SPEG: variants seen among roughly 807,000 people sequenced by gnomAD.
SPEG encodes the protein striated muscle preferentially expressed protein kinase.
SPEG carries 114 observed loss-of-function variants against 300.4 expected under a neutral mutation model. That is an observed-to-expected ratio of 0.38 (90% CI 0.33 to 0.44). The LOEUF (loss-of-function observed/expected upper bound fraction) is 0.44. Among genes scored for constraint, SPEG ranks in the 20% least tolerant of loss-of-function variants. The pLI is 1.00. For missense variants in SPEG, 4,201 were observed against 4,586.2 expected, an observed-to-expected ratio of 0.92 and a Z score of 2.43; for synonymous variants, 1,964 against 2,018.9, an observed-to-expected ratio of 0.97 and a Z score of 0.73.
intron 3 of SPEG, 105 bp from the exon 4 acceptor site, chr2:219,447,869 C>T (rs1689433705): frequency 9.1e-7 from 1 of 1,094,688 alleles, no homozygotes. Flanking sequence ...CCATGTCACC[C>T]CCAAGCCTGC....
chr2:219,444,827 G>C lies in SPEG; in HGVS notation c.481G>C (p.Gly161Arg). 1 of 1,592,778 alleles carries C rather than the reference G, an allele frequency of 6.3e-7. No homozygotes were observed. Among genetic ancestry groups the C allele is most frequent in the Non-Finnish European group, 8.6e-7 (1 of 1,168,334 alleles). ...TCTCACGGTGCTCCTTTCTCTAGGG[G>C]GTTCTGACACCCTGGTGGGCACCTC... is the stretch of plus-strand genomic sequence containing the variant. The part of the protein sequence containing the change: ...DDGAFSTPTG[G>R]SDTLVGTSLD... Residue 161 changes from glycine to arginine, a missense_variant and splice_region_variant, in exon 3 of 41, where the codon GGT becomes CGT. Transcript: ENST00000312358. This position sits in a 1 kb window ranked among gnomAD's most constrained non-coding sequence, Gnocchi z 7.8.
chr2:219,466,273 A>G, intron 9 of SPEG: 1 of 1,427,902 alleles, frequency 7.0e-7, no homozygotes, highest in Non-Finnish European at 9.1e-7. Context: ...CCAAGTGGAC[A>G]CATGGCTGTG....
rs1275432494 is a variant in SPEG at position 219,488,848 on chromosome 2, G to A, written c.8097G>A (p.Lys2699=). The change falls in exon 34 of 41, where the codon AAG becomes AAA. Residue 2699 remains lysine (K), a synonymous_variant. Transcript: ENST00000312358. ...AGGACACGGCGCTGGTGCTGTGGAAGCCGGGAGACAGCCGGGCACCTTGCA... is the reference window on the plus strand; with the variant it reads ...AGGACACGGCGCTGGTGCTGTGGAAACCGGGAGACAGCCGGGCACCTTGCA... The part of the protein sequence containing the change: ...TYQDTALVLW[K]PGDSRAPCTY... The A allele has an allele frequency of 1.3e-6, 2 of 1,589,848 alleles. No homozygotes were observed. Among genetic ancestry groups the A allele is most frequent in the Admixed American group, 3.6e-5 (2 of 55,816 alleles).
chr2:219,441,784 G>A (rs1437304028), intron 1 of SPEG, among the ~76,000 whole-genome samples: 2 of 151,062 alleles, frequency 1.3e-5, no homozygotes, highest in African/African-American at 2.4e-5. Context: ...GGGCCTCCCC[G>A]GGGGAAGTAG....
rs1299775941 is a variant in SPEG, at chr2:219,440,354, C to A, written c.389-4299C>A. 2.6e-5 allele frequency among the ~76,000 whole-genome samples: 4 copies of A among 152,174 alleles called. No homozygotes were observed. In the East Asian group the frequency reaches 7.7e-4, roughly 29 times the overall value. ...AGTGAGCCATGATGGCACCGCTGCA[C>A]TCTAGCCTGGACAACAGAGTGAGAC... On this transcript the variant is annotated intron_variant, in intron 1 of 40. Coordinates refer to ENST00000312358, the MANE Select transcript of SPEG (RefSeq NM_005876.5).
At chr2:219,460,721 CGGCAGGCACCACCTTCCTAGCCA>C in intron 6 of SPEG, 1 of 981,922 alleles carries the variant, frequency 1.0e-6, no homozygotes, top group Non-Finnish European at 1.2e-6. Context: ...CCTGTGGTCT[CGGCAGGCACCACCTTCCTAGCCA>C]GCTGCCTGCC....
rs769212993 is a variant in SPEG at position 219,490,620 on chromosome 2, C to T, written c.9133C>T (p.Arg3045Trp). 48 of 1,611,772 alleles carry T rather than the reference C, an allele frequency of 3.0e-5. No individual in the cohort carries two copies. The highest frequency in any genetic ancestry group is 3.6e-5 in the Non-Finnish European group (42 of 1,178,104). ...LVLIAESCGN[R>W]ELLCGLSDRF... ...GCTCATTGCTGAGAGCTGTGGCAAC[C>T]GGGAACTCCTCTGTGGGCTCAGTGA... Residue 3045 changes from arginine to tryptophan, a missense_variant, in exon 37 of 41, where the codon CGG (arginine) becomes TGG (tryptophan). Around this residue, in one of 4 missense-constraint regions of SPEG, gnomAD observed 318 missense variants for 429.5 expected, o/e 0.74. Transcript: ENST00000312358.
intron 30 of SPEG, 85 bp downstream of exon 30, chr2:219,485,157 G>A: frequency 6.6e-7 from 1 of 1,506,656 alleles, no homozygotes; most frequent in South Asian, 1.2e-5. Context: ...AGAGGGCTGG[G>A]GACACCCACC....
Position 219,459,329 on chromosome 2 carries a change from A to ACTGGTT in SPEG, c.2441-2551_2441-2546dup, listed in dbSNP as rs1336267309. Among the ~76,000 whole-genome samples the ACTGGTT allele has an allele frequency of 1.3e-5, 2 of 152,170 alleles. No individual in the cohort carries two copies. Among genetic ancestry groups the ACTGGTT allele is most frequent in the African/African-American group, 4.8e-5 (2 of 41,430 alleles). On this transcript the variant is annotated intron_variant, in intron 6 of 40. Transcript: ENST00000312358. The surrounding 1 kb of genome is among the most constrained non-coding windows in gnomAD (Gnocchi z 4.9). Reference sequence around the variant, plus strand: ...GTGCAGCAGGGCTGGGATGTCAGGGACTGGTTCCAAAGATGGTTTTTGCTA... The same window carrying ACTGGTT: ...GTGCAGCAGGGCTGGGATGTCAGGGACTGGTTCTGGTTCCAAAGATGGTTTTTGCTA...
chr2:219,461,161 A>G (rs1352864484), intron 6 of SPEG: 1 of 941,854 alleles, frequency 1.1e-6, no homozygotes, highest in East Asian at 1.2e-4. Flanking sequence ...GGCCCTGGGG[A>G]CACCCCTCCC....
chr2:219,451,018 C>G lies in SPEG; in HGVS notation c.2114-118C>G, dbSNP rs533830815. 2.4e-5 allele frequency: 26 copies of G among 1,070,824 alleles called. No homozygotes were observed. The South Asian group carries it at 4.6e-4, about 19-fold the overall frequency. The allele number at this position is 1,070,824 out of a possible 1,614,324, so 66.3% of individuals were successfully genotyped here. On this transcript the variant is annotated intron_variant, in intron 4 of 40. Transcript: ENST00000312358. This position sits in a 1 kb window ranked among gnomAD's most constrained non-coding sequence, Gnocchi z 6.4. ...CCTCTTCTCCCCAAGTCCCTGCTTT[C>G]TAGAAGCCCCTCTGTCTGGGTTTGG...
chr2:219,475,464 T>A (rs1454414253), intron 18 of SPEG, among the ~76,000 whole-genome samples: 1 of 152,098 alleles, frequency 6.6e-6, no homozygotes, highest in African/African-American at 2.4e-5. Context: ...GAGGCGTCTG[T>A]GAAGTGGAAG....
chr2:219,476,534 A>G (rs1374479250), intron 18 of SPEG, among the ~76,000 whole-genome samples: 2 of 152,346 alleles, frequency 1.3e-5, no homozygotes, highest in African/African-American at 4.8e-5. Context: ...GAGAGGCAGG[A>G]AATCCAGATT....
chr2:219,480,469 C>T lies in SPEG; in HGVS notation c.5343-202C>T, dbSNP rs562385114. Among the ~76,000 whole-genome samples the T allele has an allele frequency of 6.6e-6, 1 of 152,228 alleles. No homozygotes were observed. The highest frequency in any genetic ancestry group is 6.5e-5 in the Admixed American group (1 of 15,298). ...GCTTCCCTGGGCTTCCTGGGCCAGC[C>T]CTGCCATGACCCTGGACTTCTCCAG... On this transcript the variant is annotated intron_variant, in intron 25 of 40. Coordinates refer to ENST00000312358, the MANE Select transcript of SPEG (RefSeq NM_005876.5). This position sits in a 1 kb window ranked among gnomAD's most constrained non-coding sequence, Gnocchi z 5.3.
In SPEG at chr2:219,465,808, T is replaced by TGC. The variant is rs1575111039; in HGVS notation, c.2881+1201_2881+1202insCG. 1.4e-5 allele frequency: 8 copies of TGC among 591,108 alleles called. No individual in the cohort carries two copies. The East Asian group carries it at 2.1e-4, about 16-fold the overall frequency. The allele number at this position is 591,108 out of a possible 1,614,324, so 36.6% of individuals were successfully genotyped here. On this transcript the variant is annotated intron_variant, in intron 9 of 40. Transcript: ENST00000312358. The stretch of plus-strand genomic sequence containing the variant: ...CCAGGTCTGCGTGCCTGTGCGTGCA[T>TGC]GTGTGCGTGTGCGTGCGCATGCGTG...
chr2:219,448,692 C>T lies in SPEG; in HGVS notation c.1534C>T (p.Arg512Cys), dbSNP rs920933893. 1.1e-5 allele frequency: 17 copies of T among 1,493,588 alleles called. No individual in the cohort carries two copies. The South Asian group carries it at 2.1e-4, about 19-fold the overall frequency. 92.5% of individuals were successfully genotyped at this position (1,493,588 alleles called of 1,614,324 possible). A position where few individuals can be genotyped will look rare whatever the true frequency, so the allele number is the denominator to read the frequency against. ...CTCCACGTCGCGGGAGGAGCTGGTG[C>T]GCTCGCACGAGTCCCTGCGCGCCAC... is the stretch of plus-strand genomic sequence containing the variant. ...RRSTSREELVRSHESLRATLQ... is the reference protein window; with the variant it reads ...RRSTSREELVCSHESLRATLQ... Residue 512 changes from arginine to cysteine, a missense_variant, in exon 4 of 41, where the codon CGC becomes TGC. Physicochemically the swap from Arg to Cys is radical, Grantham distance 180. This residue lies in a region of SPEG where 1,258 missense variants were observed against 1,293.9 expected (regional missense o/e 0.97). Transcript: ENST00000312358.
chr2:219,449,400 T>G (rs1575060602), intron 4 of SPEG, 129 bp downstream of exon 4: 2 of 704,946 alleles, frequency 2.8e-6, no homozygotes, highest in Non-Finnish European at 4.1e-6. Flanking sequence ...GCTGCAAGGG[T>G]GGGTTTGCCA....
In SPEG at chr2:219,492,792, C is replaced by G. The variant is rs753759437; in HGVS notation, c.*6C>G. On this transcript the variant is annotated 3_prime_UTR_variant, in exon 41 of 41. Transcript: ENST00000312358. ...CCTACCCTGGCGGCCCCTAGAGGCACGGACCACAGCCAGGCCTCGGGCTTC... is the reference window on the plus strand; with the variant it reads ...CCTACCCTGGCGGCCCCTAGAGGCAGGGACCACAGCCAGGCCTCGGGCTTC... The G allele has an allele frequency of 2.5e-6, 4 of 1,577,634 alleles. No individual in the cohort carries two copies. Among genetic ancestry groups the G allele is most frequent in the Non-Finnish European group, 3.4e-6 (4 of 1,167,914 alleles).
chr2:219,480,877 C>T lies in SPEG; in HGVS notation c.5369+180C>T, dbSNP rs762321099. Among the ~76,000 whole-genome samples, 6 of 152,246 alleles carry T rather than the reference C, an allele frequency of 3.9e-5. No individual in the cohort carries two copies. Among genetic ancestry groups the T allele is most frequent in the Non-Finnish European group, 5.9e-5 (4 of 68,000 alleles). On this transcript the variant is annotated intron_variant, in intron 26 of 40. Coordinates refer to ENST00000312358, the MANE Select transcript of SPEG (RefSeq NM_005876.5). This position sits in a 1 kb window ranked among gnomAD's most constrained non-coding sequence, Gnocchi z 5.3. ...TGCCCACACTCTGCCTGTCCCCACA[C>T]CCCTCCATAAGAGGTGGGCACCCTA...
Sources: allele counts gnomAD v4.1 joint callset (sites outside exome capture counted in the v4.1 genomes callset), GRCh38; gene constraint gnomAD v4.1.1; regional missense constraint gnomAD v4.1.1; non-coding constraint Gnocchi (gnomAD v3.1); transcripts MANE v1.5; gene names NCBI Gene and HGNC (gene_info 2026-07-23, HGNC 2026-07-21).